RAPGEF5: variants seen among roughly 807,000 people sequenced by gnomAD.
The protein encoded by RAPGEF5 is M-Ras-regulated GEF.
Under a neutral mutation model 125.2 loss-of-function variants are expected in RAPGEF5, and 65 were observed. The observed-to-expected ratio is 0.52, with a 90% CI of 0.43 to 0.64. The LOEUF (loss-of-function observed/expected upper bound fraction) is 0.64, where lower values mean the gene tolerates loss of function less well. RAPGEF5 is among the 30% of genes least tolerant of loss of function. RAPGEF5 has a pLI of 0.00. For missense variants in RAPGEF5, 958 were observed against 1,048.1 expected, an observed-to-expected ratio of 0.91 and a Z score of 1.19; for synonymous variants, 391 against 385.9, an observed-to-expected ratio of 1.01 and a Z score of -0.16.
rs545494858 is a variant in RAPGEF5 at position 22,219,687 on chromosome 7, GC to G, written c.996+178del. Among the ~76,000 whole-genome samples, 252 of 151,884 alleles carry G rather than the reference GC, an allele frequency of 1.7e-3. 2 individuals carry two copies. The highest frequency in any genetic ancestry group is 5.3e-3 in the African/African-American group (219 of 41,426). On this transcript the variant is annotated intron_variant, in intron 9 of 25. Coordinates refer to ENST00000665637, the MANE Select transcript of RAPGEF5 (RefSeq NM_012294.5). ...GTCTCTTATAAATCCTGTGTCATAA[GC>G]CACTTGCTTAGAGCTATGAGCAGCT...
intron 11 of RAPGEF5, chr7:22,191,321 A>G (rs1039966725): frequency 3.9e-6 from 1 of 254,874 alleles, no homozygotes; most frequent in Non-Finnish European, 8.2e-6. Flanking sequence ...GAAGAGCTAC[A>G]CTGACTTCCA....
chr7:22,201,354 T>C (rs1785272480), intron 9 of RAPGEF5, among the ~76,000 whole-genome samples: 3 of 152,206 alleles, frequency 2.0e-5, no homozygotes, highest in Non-Finnish European at 4.4e-5. Flanking sequence ...CATTCCACAG[T>C]GTGTGGTGAG....
At chr7:22,312,845 ATGAGGTGG>A (rs1417991939) in intron 3 of RAPGEF5, among the ~76,000 whole-genome samples, 1 of 152,192 alleles carries the variant, frequency 6.6e-6, no homozygotes, top group East Asian at 1.9e-4. Flanking sequence ...AGCATACAAA[ATGAGGTGG>A]TGTTGTCTCT....
intron 3 of RAPGEF5, among the ~76,000 whole-genome samples, chr7:22,313,005 G>T (rs1360759705): frequency 6.6e-6 from 1 of 152,206 alleles, no homozygotes; most frequent in African/African-American, 2.4e-5. Flanking sequence ...CCTACCCACA[G>T]TGTATTTTCA....
In RAPGEF5 at chr7:22,189,408, A is replaced by G. The variant is rs534503985; in HGVS notation, c.1204+3959T>C. 2.0e-5 allele frequency among the ~76,000 whole-genome samples: 3 copies of G among 152,258 alleles called. No individual in the cohort carries two copies. The East Asian group carries it at 5.8e-4, about 29-fold the overall frequency. ...ACACACTTTATCCTCTCTAGGGAGG[A>G]GAAAGGGTTAACTAGCTACAGTCAC... is the stretch of plus-strand genomic sequence containing the variant. On this transcript the variant is annotated intron_variant, in intron 11 of 25. Transcript: ENST00000665637.
At position 22,162,380 on chromosome 7, in the gene RAPGEF5, T is replaced by C; in HGVS notation, c.1428+17A>G. 5 of 1,549,098 alleles carry C rather than the reference T, an allele frequency of 3.2e-6. No individual in the cohort carries two copies. The highest frequency in any genetic ancestry group is 4.4e-6 in the Non-Finnish European group (5 of 1,126,190). On this transcript the variant is annotated intron_variant, in intron 13 of 25. Coordinates refer to ENST00000665637, the MANE Select transcript of RAPGEF5 (RefSeq NM_012294.5). ...CAGTTATTTGGCATCAAAGAATATC[T>C]GGAAATGTTTGATTACCTTTAAAAA...
chr7:22,350,384 T>C (rs1784308907), intron 1 of RAPGEF5, among the ~76,000 whole-genome samples: 1 of 152,240 alleles, frequency 6.6e-6, no homozygotes, highest in African/African-American at 2.4e-5. Context: ...ACATTGCATA[T>C]GAAAGCAAAA....
chr7:22,160,337 G>A (rs1363731830), intron 14 of RAPGEF5, among the ~76,000 whole-genome samples, 181 bp downstream of exon 14: 1 of 152,096 alleles, frequency 6.6e-6, no homozygotes, highest in Admixed American at 6.5e-5. Flanking sequence ...TGAATTCCGT[G>A]TTCTTTCATT....
chr7:22,183,529 A>G (rs889692840), intron 11 of RAPGEF5, among the ~76,000 whole-genome samples: 8 of 152,176 alleles, frequency 5.3e-5, no homozygotes, highest in African/African-American at 1.9e-4. Context: ...CATTTGAGGT[A>G]AAGTATTTCA....
chr7:22,190,997 C>T (rs888533138), intron 11 of RAPGEF5, among the ~76,000 whole-genome samples: 6 of 151,986 alleles, frequency 3.9e-5, no homozygotes, highest in African/African-American at 1.5e-4. Flanking sequence ...TATTGCAGCC[C>T]CTTCTCATTT....
chr7:22,157,018 T>TA lies in RAPGEF5; in HGVS notation c.1558-131dup, dbSNP rs556147112. The stretch of plus-strand genomic sequence containing the variant: ...AATATGAAATCCACCCATCCAATCT[T>TA]AGAGAAATAAACTGGGAGTCGCCTC... On this transcript the variant is annotated intron_variant, in intron 15 of 25. Coordinates refer to ENST00000665637, the MANE Select transcript of RAPGEF5 (RefSeq NM_012294.5). The TA allele has an allele frequency of 1.2e-4, 173 of 1,421,738 alleles. No individual in the cohort carries two copies. In the East Asian group the frequency reaches 3.8e-3, roughly 31 times the overall value. 88.1% of individuals were successfully genotyped at this position (1,421,738 alleles called of 1,614,324 possible). A position where few individuals can be genotyped will look rare whatever the true frequency, so the allele number is the denominator to read the frequency against.
intron 14 of RAPGEF5, among the ~76,000 whole-genome samples, 151 bp from the exon 15 acceptor site, chr7:22,158,036 C>G (rs1251337441): frequency 6.6e-6 from 1 of 152,182 alleles, no homozygotes; most frequent in African/African-American, 2.4e-5. Flanking sequence ...CTATGTACAA[C>G]ACATTTGACA....
In RAPGEF5 at chr7:22,119,020, T is replaced by C. The variant is rs1363616750; in HGVS notation, c.*3386A>G. On this transcript the variant is annotated 3_prime_UTR_variant, in exon 26 of 26. Coordinates refer to ENST00000665637, the MANE Select transcript of RAPGEF5 (RefSeq NM_012294.5). The surrounding 1 kb of genome is among the most constrained non-coding windows in gnomAD (Gnocchi z 4.1). ...TGTTGGACCACTGCGGAAGACCCGA[T>C]CGTCCCCATTTTAATGTTTTTGCCC... 6.6e-6 allele frequency: 1 copy of C among 151,556 alleles called. No individual in the cohort carries two copies. Among genetic ancestry groups the C allele is most frequent in the Non-Finnish European group, 1.5e-5 (1 of 68,018 alleles). The allele number at this position is 151,556 out of a possible 1,614,324, so 9.4% of individuals were successfully genotyped here.
intron 7 of RAPGEF5, among the ~76,000 whole-genome samples, chr7:22,231,647 C>T (rs779004764): frequency 3.3e-5 from 5 of 152,212 alleles, no homozygotes; most frequent in Non-Finnish European, 5.9e-5. Context: ...TAGCTTCCTC[C>T]AAATGTCCAA....
chr7:22,130,963 A>C (rs1385920183), intron 24 of RAPGEF5, 74 bp downstream of exon 24: 1 of 1,506,554 alleles, frequency 6.6e-7, no homozygotes, highest in East Asian at 2.5e-5. Context: ...AAAACTATTT[A>C]TTTCCTAGAG....
intron 1 of RAPGEF5, among the ~76,000 whole-genome samples, chr7:22,330,063 C>T (rs1783885661): frequency 6.6e-6 from 1 of 152,180 alleles, no homozygotes; most frequent in Non-Finnish European, 1.5e-5. Context: ...AACATTTCCA[C>T]TCTCATAGCC....
chr7:22,301,314 A>C (rs553502655), intron 5 of RAPGEF5, among the ~76,000 whole-genome samples: 1 of 152,172 alleles, frequency 6.6e-6, no homozygotes, highest in South Asian at 2.1e-4. Context: ...CAAGGTTTGC[A>C]GCAAAAAAAT....
intron 7 of RAPGEF5, among the ~76,000 whole-genome samples, chr7:22,245,804 T>C (rs1786461163): frequency 6.6e-6 from 1 of 152,086 alleles, no homozygotes; most frequent in Non-Finnish European, 1.5e-5. Context: ...TTAGGAAAAC[T>C]ATCTCTCTTC....
chr7:22,245,849 G>C (rs1786462277), intron 7 of RAPGEF5, among the ~76,000 whole-genome samples: 1 of 152,044 alleles, frequency 6.6e-6, no homozygotes. Context: ...AATCTCAAAG[G>C]CTCCTGGGAC....
Sources: allele counts gnomAD v4.1 joint callset (sites outside exome capture counted in the v4.1 genomes callset), GRCh38; gene constraint gnomAD v4.1.1; non-coding constraint Gnocchi (gnomAD v3.1); transcripts MANE v1.5; gene names NCBI Gene and HGNC (gene_info 2026-07-23, HGNC 2026-07-21).